DOCK9: variants seen among roughly 807,000 people sequenced by gnomAD.
The protein encoded by DOCK9 is dedicator of cytokinesis 9.
Under a neutral mutation model 263.3 loss-of-function variants are expected in DOCK9, and 89 were observed. That is an observed-to-expected ratio of 0.34 (90% CI 0.28 to 0.40). The LOEUF (loss-of-function observed/expected upper bound fraction) is 0.40. DOCK9 is among the 10% of genes least tolerant of loss of function. The pLI, the probability that DOCK9 is intolerant of heterozygous loss-of-function variation, is 1.00. For synonymous variants in DOCK9, 976 were observed against 973.1 expected (o/e 1.00, Z -0.06); for missense variants, 2,140 against 2,603.4 (o/e 0.82, Z 3.87).
chr13:99,056,837 C>T (rs2040947641), intron 1 of DOCK9, among the ~76,000 whole-genome samples: 1 of 152,164 alleles, frequency 6.6e-6, no homozygotes, highest in South Asian at 2.1e-4. Context: ...AGCAGCTCCT[C>T]GCCCTGAGGA....
intron 1 of DOCK9, among the ~76,000 whole-genome samples, chr13:99,055,738 C>T (rs976111261): frequency 1.3e-5 from 2 of 151,880 alleles, no homozygotes; most frequent in Non-Finnish European, 2.9e-5. Context: ...GTCAACTGTT[C>T]TCTAGGTTCC....
intron 2 of DOCK9, among the ~76,000 whole-genome samples, chr13:98,936,263 C>A (rs1187013395): frequency 6.6e-6 from 1 of 152,082 alleles, no homozygotes; most frequent in East Asian, 1.9e-4. Context: ...TACCCACATG[C>A]CCTTCTTTAC....
chr13:98,980,187 C>G (rs1205772041), upstream of DOCK9, among the ~76,000 whole-genome samples: 1 of 152,206 alleles, frequency 6.6e-6, no homozygotes, highest in Non-Finnish European at 1.5e-5. Context: ...CTGTGTTCAG[C>G]CTACCCTATT....
intron 1 of DOCK9, among the ~76,000 whole-genome samples, chr13:99,046,082 C>A (rs962956043): frequency 2.1e-5 from 3 of 144,058 alleles, no homozygotes; most frequent in Admixed American, 7.0e-5. Context: ...GCCTGGGTGA[C>A]AGAGTGAGAC....
chr13:99,063,159 G>A (rs2041267392), intron 1 of DOCK9, among the ~76,000 whole-genome samples: 1 of 152,220 alleles, frequency 6.6e-6, no homozygotes. Context: ...GAACCAACAG[G>A]AAGGCTTGTG....
At chr13:98,993,342 C>G (rs1470901176) in intron 1 of DOCK9, among the ~76,000 whole-genome samples, 1 of 152,208 alleles carries the variant, frequency 6.6e-6, no homozygotes, top group Non-Finnish European at 1.5e-5. Context: ...CATTATGTGA[C>G]ATGAGAAACA....
chr13:99,008,818 A>G (rs1330587369), intron 1 of DOCK9, among the ~76,000 whole-genome samples: 1 of 152,168 alleles, frequency 6.6e-6, no homozygotes, highest in Non-Finnish European at 1.5e-5. Context: ...CCACAGTACT[A>G]TAAGATTAGG....
At chr13:99,030,804 T>A (rs1372734585) in intron 1 of DOCK9, among the ~76,000 whole-genome samples, 3 of 152,196 alleles carry the variant, frequency 2.0e-5, no homozygotes, top group African/African-American at 7.2e-5. Flanking sequence ...AACTCAGGTA[T>A]CATTACAATG....
chr13:98,911,442 C>T (rs921419887), intron 9 of DOCK9, among the ~76,000 whole-genome samples: 3 of 151,948 alleles, frequency 2.0e-5, no homozygotes, highest in African/African-American at 7.3e-5. Flanking sequence ...ACATTATATA[C>T]CAATGAAAGT....
At chr13:98,959,341 A>G (rs1184292445) in intron 1 of DOCK9, 2 of 152,244 alleles carry the variant, frequency 1.3e-5, no homozygotes, top group African/African-American at 4.8e-5. Context: ...AATAAGAGAA[A>G]TCTTATGGAG....
intron 1 of DOCK9, among the ~76,000 whole-genome samples, chr13:99,007,858 C>G (rs1883622657): frequency 6.6e-6 from 1 of 152,170 alleles, no homozygotes; most frequent in East Asian, 1.9e-4. Context: ...GAGGTGAACA[C>G]AAACTTTCTT....
chr13:98,835,999 G>C (rs1249280145), intron 39 of DOCK9, among the ~76,000 whole-genome samples: 1 of 152,226 alleles, frequency 6.6e-6, no homozygotes, highest in East Asian at 1.9e-4. Flanking sequence ...GCCTCCCAAA[G>C]TGCTGGGATT....
chr13:98,865,113 G>A (rs889370839), intron 30 of DOCK9, among the ~76,000 whole-genome samples: 1 of 152,116 alleles, frequency 6.6e-6, no homozygotes, highest in African/African-American at 2.4e-5. Context: ...GGAGTGCCGT[G>A]GCATAATCTG....
chr13:99,085,736 C>T (rs1263370521), intron 1 of DOCK9, among the ~76,000 whole-genome samples: 1 of 151,696 alleles, frequency 6.6e-6, no homozygotes, highest in Non-Finnish European at 1.5e-5. Flanking sequence ...TCAGCCAACT[C>T]AAAGGGTTAG....
At chr13:99,053,842 C>A (rs1177188822) in intron 1 of DOCK9, among the ~76,000 whole-genome samples, 4 of 152,124 alleles carry the variant, frequency 2.6e-5, no homozygotes, top group Non-Finnish European at 5.9e-5. Flanking sequence ...ACACCCTCCA[C>A]CTCCCCTCAC....
At chr13:98,865,856 G>T (rs1227191286) in intron 30 of DOCK9, among the ~76,000 whole-genome samples, 1 of 152,138 alleles carries the variant, frequency 6.6e-6, no homozygotes, top group Non-Finnish European at 1.5e-5. Flanking sequence ...TGGAGTGGCT[G>T]GCTTGGGGAG....
intron 1 of DOCK9, among the ~76,000 whole-genome samples, chr13:98,999,286 A>ACGCG (rs201880237): frequency 4.1e-5 from 5 of 120,762 alleles, no homozygotes; most frequent in Admixed American, 2.3e-4. Context: ...GCACGCATGC[A>ACGCG]CGCGCACACA....
chr13:98,822,314 CTAAT>C (rs1193742621), intron 45 of DOCK9, among the ~76,000 whole-genome samples: 4 of 152,204 alleles, frequency 2.6e-5, no homozygotes, highest in Non-Finnish European at 4.4e-5. Context: ...ATTTCACAGG[CTAAT>C]TCATTAGGCT....
At position 98,845,971 on chromosome 13, in the gene DOCK9, C is replaced by G; in HGVS notation, c.4151G>C (p.Arg1384Thr). The G allele has an allele frequency of 7.4e-6, 12 of 1,613,226 alleles. No individual in the cohort carries two copies. Among genetic ancestry groups the G allele is most frequent in the Non-Finnish European group, 1.0e-5 (12 of 1,179,634 alleles). Residue 1384 changes from arginine (R) to threonine (T), a missense_variant, in exon 38 of 53, where the codon AGA (arginine) becomes ACA (threonine). By Grantham distance (71) the Arg-to-Thr change is moderately conservative (BLOSUM62 -1). Around this residue, in one of 2 missense-constraint regions of DOCK9, gnomAD observed 1,521 missense variants for 1,741.7 expected, o/e 0.87. Transcript: ENST00000682017. ...ATCCAGGCTGCCCAGCTGCTGCAAT[C>G]TGGCATGCATCATTCCTGTTCTGTT... is the stretch of plus-strand genomic sequence containing the variant. ...SRNRTGMMHA[R>T]LQQLGSLDNS...
Sources: gnomAD v4.1 joint callset for allele counts (sites outside exome capture counted in the v4.1 genomes callset) on GRCh38, gnomAD v4.1.1 for gene constraint, gnomAD v4.1.1 regional missense constraint, MANE v1.5 for transcripts, NCBI Gene and HGNC (gene_info 2026-07-23, HGNC 2026-07-21) for gene names.